DCDC2C: variants seen among roughly 807,000 people sequenced by gnomAD.
DCDC2C encodes doublecortin domain containing 2C, also known as doublecortin domain-containing protein 2C.
In DCDC2C, 44 loss-of-function variants were observed where a neutral mutation model predicts 45.0. The observed-to-expected ratio is 0.98, with a 90% confidence interval of 0.77 to 1.26. The LOEUF (loss-of-function observed/expected upper bound fraction) is 1.26. Ranked by LOEUF, DCDC2C falls within the 50% of genes most tolerant of loss-of-function variation. DCDC2C has a pLI of 0.00. For synonymous variants in DCDC2C, 187 were observed against 178.8 expected, an observed-to-expected ratio of 1.05 and a Z score of -0.37; for missense variants, 447 against 468.9, an observed-to-expected ratio of 0.95 and a Z score of 0.43.
intron 4 of DCDC2C, among the ~76,000 whole-genome samples, chr2:3,742,554 C>T (rs923070691): frequency 9.9e-5 from 15 of 152,140 alleles, no homozygotes; most frequent in African/African-American, 1.9e-4. Flanking sequence ...ATCTCCTCTC[C>T]GCCATCTGTG....
chr2:3,819,588 G>A (rs34392387), intron 10 of DCDC2C, among the ~76,000 whole-genome samples: 23,646 of 152,194 alleles, frequency 0.16, 1,932 homozygotes, highest in East Asian at 0.29. Context: ...AATGTCAGGA[G>A]CAGATTGGGT....
In DCDC2C at chr2:3,738,539, G is replaced by GAAAAAAAAAAAA. The variant is rs752819998; in HGVS notation, c.417-3381_417-3380insAAAAAAAAAAAA. Among the ~76,000 whole-genome samples the GAAAAAAAAAAAA allele has an allele frequency of 9.1e-5, 5 of 55,248 alleles. 2 individuals carry two copies. Among genetic ancestry groups the GAAAAAAAAAAAA allele is most frequent in the Non-Finnish European group, 9.7e-5 (3 of 30,850 alleles). 36.2% of individuals were successfully genotyped at this position (55,248 alleles called of 152,430 possible). Reference sequence around the variant, plus strand: ...TACATTTTTTCTGCTGGTCTATCTGGGAAAAAAAAAAAAAAAAAAAAAAAA... The same window carrying GAAAAAAAAAAAA: ...TACATTTTTTCTGCTGGTCTATCTGGAAAAAAAAAAAAGAAAAAAAAAAAAAAAAAAAAAAAA... On this transcript the variant is annotated intron_variant, in intron 3 of 10. Coordinates refer to ENST00000399143, the MANE Select transcript of DCDC2C (RefSeq NM_001287444.2).
At chr2:3,745,302 G>C (rs1184075172) in intron 4 of DCDC2C, among the ~76,000 whole-genome samples, 2 of 152,140 alleles carry the variant, frequency 1.3e-5, no homozygotes, top group East Asian at 1.9e-4. Flanking sequence ...TAAATCTTAA[G>C]TATCACATGT....
At chr2:3,794,231 A>T (rs1670896396) in intron 10 of DCDC2C, among the ~76,000 whole-genome samples, 1 of 152,258 alleles carries the variant, frequency 6.6e-6, no homozygotes, top group South Asian at 2.1e-4. Context: ...GACACATTTA[A>T]TTATACAATA....
chr2:3,759,101 G>A (rs1669808346), intron 6 of DCDC2C, among the ~76,000 whole-genome samples: 1 of 152,196 alleles, frequency 6.6e-6, no homozygotes, highest in African/African-American at 2.4e-5. Context: ...AAAATGTGCA[G>A]TTCAGGTACC....
chr2:3,835,104 A>G (rs935395218), intron 10 of DCDC2C, among the ~76,000 whole-genome samples: 1 of 152,192 alleles, frequency 6.6e-6, no homozygotes, highest in African/African-American at 2.4e-5. Flanking sequence ...TCCCAGAGGC[A>G]ATGGAAGTGC....
intron 3 of DCDC2C, among the ~76,000 whole-genome samples, chr2:3,729,572 G>A (rs539050521): frequency 2.2e-4 from 34 of 152,346 alleles, no homozygotes; most frequent in Admixed American, 1.9e-3. Flanking sequence ...AAGGTGGCCA[G>A]GCAGCTGGTC....
intron 10 of DCDC2C, among the ~76,000 whole-genome samples, chr2:3,823,986 G>A (rs1391229832): frequency 6.6e-6 from 1 of 152,202 alleles, no homozygotes; most frequent in East Asian, 1.9e-4. Flanking sequence ...AACAGTCATA[G>A]ACAATAAGTA....
intron 3 of DCDC2C, among the ~76,000 whole-genome samples, chr2:3,732,550 T>C (rs1007217411): frequency 2.0e-5 from 3 of 152,150 alleles, no homozygotes; most frequent in Admixed American, 6.5e-5. Context: ...AGTTTCCTGA[T>C]GGTGGCATTT....
In DCDC2C at chr2:3,837,622, A is replaced by ACACAGTACCCAG. The variant is rs1558249632; in HGVS notation, c.1066-9532_1066-9531insCACAGTACCCAG. The stretch of plus-strand genomic sequence containing the variant: ...TCATCTAAAGGGGAAGAAACTGAGG[A>ACACAGTACCCAG]AGAAATCAGCCTTTGGCTCCCCCTT... On this transcript the variant is annotated intron_variant, in intron 10 of 10. Coordinates refer to ENST00000399143, the MANE Select transcript of DCDC2C (RefSeq NM_001287444.2). Among the ~76,000 whole-genome samples the ACACAGTACCCAG allele has an allele frequency of 1.6e-5, 2 of 124,482 alleles. 1 individual carries two copies. The highest frequency in any genetic ancestry group is 3.7e-5 in the Non-Finnish European group (2 of 53,998). 81.7% of individuals were successfully genotyped at this position (124,482 alleles called of 152,430 possible).
At chr2:3,805,109 C>T (rs191727736) in intron 10 of DCDC2C, among the ~76,000 whole-genome samples, 1 of 152,300 alleles carries the variant, frequency 6.6e-6, no homozygotes, top group African/African-American at 2.4e-5. Flanking sequence ...ATGTGCAGGG[C>T]CAATGACAAC....
At chr2:3,737,342 G>C (rs993944118) in intron 3 of DCDC2C, among the ~76,000 whole-genome samples, 6 of 152,178 alleles carry the variant, frequency 3.9e-5, no homozygotes, top group African/African-American at 1.4e-4. Flanking sequence ...TTCACCCCAG[G>C]ATGAGGGGAG....
At chr2:3,783,485 G>A (rs985636114) in intron 9 of DCDC2C, among the ~76,000 whole-genome samples, 3 of 152,148 alleles carry the variant, frequency 2.0e-5, no homozygotes, top group Non-Finnish European at 4.4e-5. Flanking sequence ...TTCCTACGCC[G>A]TCCAAAGCAC....
chr2:3,783,666 G>T (rs1319731041), intron 9 of DCDC2C, among the ~76,000 whole-genome samples: 1 of 152,244 alleles, frequency 6.6e-6, no homozygotes, highest in African/African-American at 2.4e-5. Flanking sequence ...GACTCTGGAA[G>T]ATATTAGGTG....
intron 10 of DCDC2C, among the ~76,000 whole-genome samples, chr2:3,789,242 C>T (rs1025747174): frequency 1.3e-5 from 2 of 152,126 alleles, no homozygotes; most frequent in Non-Finnish European, 2.9e-5. Context: ...GAGTGAAAAA[C>T]TGCCAAGCAC....
intron 10 of DCDC2C, among the ~76,000 whole-genome samples, chr2:3,798,909 T>C (rs1255868131): frequency 6.6e-6 from 1 of 152,132 alleles, no homozygotes; most frequent in Non-Finnish European, 1.5e-5. Context: ...TGAATCTGAA[T>C]GTTGGCCTGC....
chr2:3,809,618 TA>T (rs993121932), intron 10 of DCDC2C, among the ~76,000 whole-genome samples: 3 of 152,338 alleles, frequency 2.0e-5, no homozygotes, highest in South Asian at 2.1e-4. Flanking sequence ...GGTCGCTTTT[TA>T]AAATAAATTT....
intron 1 of DCDC2C, among the ~76,000 whole-genome samples, chr2:3,708,316 G>C (rs1572546886): frequency 1.3e-5 from 2 of 152,274 alleles, no homozygotes; most frequent in Admixed American, 1.3e-4. Context: ...TGTCACTTAA[G>C]AGACACTTTC....
intron 10 of DCDC2C, among the ~76,000 whole-genome samples, chr2:3,842,153 G>A (rs1236939122): frequency 6.6e-6 from 1 of 152,112 alleles, no homozygotes; most frequent in South Asian, 2.1e-4. Flanking sequence ...TCCGGAATGT[G>A]GAGGGAATCC....
Sources: allele counts gnomAD v4.1 joint callset (sites outside exome capture counted in the v4.1 genomes callset), GRCh38; gene constraint gnomAD v4.1.1; transcripts MANE v1.5; gene names NCBI Gene and HGNC (gene_info 2026-07-23, HGNC 2026-07-21).